CPAMD8: variants seen among roughly 807,000 people sequenced by gnomAD.
CPAMD8 encodes the protein C3 and PZP-like alpha-2-macroglobulin domain-containing protein 8.
CPAMD8 carries 146 observed loss-of-function variants against 224.7 expected under a neutral mutation model. The observed-to-expected ratio is 0.65, with a 90% CI of 0.57 to 0.75. CPAMD8 has a LOEUF of 0.75. CPAMD8 is among the 30% of genes least tolerant of loss of function. The pLI is 0.00. For missense variants in CPAMD8, 2,301 were observed against 2,537.5 expected (o/e 0.91, Z 2.00); for synonymous variants, 966 against 1,044.6 (o/e 0.92, Z 1.45).
At chr19:16,967,237 A>C (rs1472349960) in intron 18 of CPAMD8, among the ~76,000 whole-genome samples, 1 of 151,496 alleles carries the variant, frequency 6.6e-6, no homozygotes, top group African/African-American at 2.4e-5. Flanking sequence ...ACTATCACAA[A>C]GACAGAAAAC....
intron 30 of CPAMD8, among the ~76,000 whole-genome samples, chr19:16,905,968 G>A (rs541929435): frequency 2.0e-3 from 301 of 152,140 alleles, no homozygotes; most frequent in African/African-American, 6.9e-3. Flanking sequence ...GGGAAGGGTG[G>A]AAGCGAGACC....
chr19:16,948,384 G>C (rs2054175513), intron 20 of CPAMD8, among the ~76,000 whole-genome samples: 1 of 152,148 alleles, frequency 6.6e-6, no homozygotes, highest in African/African-American at 2.4e-5. Context: ...CTAGATCTGA[G>C]AGCCAATGGC....
rs755863295 is a variant in CPAMD8 at position 16,893,297 on chromosome 19, C to T, written c.5469G>A (p.Leu1823=). 17 of 1,553,184 alleles carry T rather than the reference C, an allele frequency of 1.1e-5. No homozygotes were observed. Among genetic ancestry groups the T allele is most frequent in the Non-Finnish European group, 1.5e-5 (17 of 1,148,054 alleles). ...GPRPPVSSGN[L]ESSTQSASPF... is the part of the protein sequence containing the mutation. Reference sequence around the variant, plus strand: ...GGCTGGCGCTCTGGGTGCTGCTTTCCAGGTTCCCGCTGCTCACAGGAGGCC... The same window carrying T: ...GGCTGGCGCTCTGGGTGCTGCTTTCTAGGTTCCCGCTGCTCACAGGAGGCC... The change falls in exon 42 of 42, where the codon CTG becomes CTA. Residue 1823 remains leucine (L), a synonymous_variant. Transcript: ENST00000443236.
chr19:16,968,089 C>G (rs2122603000), intron 18 of CPAMD8, among the ~76,000 whole-genome samples: 1 of 152,060 alleles, frequency 6.6e-6, no homozygotes, highest in South Asian at 2.1e-4. Flanking sequence ...GCTTCTATAC[C>G]AGCCCCAGGA....
At chr19:16,971,745 A>T (rs994035950) in intron 17 of CPAMD8, among the ~76,000 whole-genome samples, 1 of 152,086 alleles carries the variant, frequency 6.6e-6, no homozygotes, top group Non-Finnish European at 1.5e-5. Flanking sequence ...TATGAATTTC[A>T]TCTCGATTAG....
chr19:16,982,949 T>C (rs2055567701), intron 13 of CPAMD8, among the ~76,000 whole-genome samples: 1 of 152,222 alleles, frequency 6.6e-6, no homozygotes, highest in African/African-American at 2.4e-5. Context: ...ACAGTTCTCA[T>C]GGTAGAGAAT....
chr19:16,978,142 G>A (rs889867151), intron 14 of CPAMD8, among the ~76,000 whole-genome samples: 1 of 152,188 alleles, frequency 6.6e-6, no homozygotes, highest in African/African-American at 2.4e-5. Flanking sequence ...AGCTGGTTCT[G>A]TGCAGAGCTC....
chr19:16,918,140 G>A (rs755579433), intron 27 of CPAMD8, among the ~76,000 whole-genome samples: 5 of 151,852 alleles, frequency 3.3e-5, no homozygotes, highest in African/African-American at 4.8e-5. Flanking sequence ...GACTACAGAC[G>A]CCCACCACCA....
At chr19:17,003,312 C>T (rs185782149) in intron 8 of CPAMD8, among the ~76,000 whole-genome samples, 55 of 151,814 alleles carry the variant, frequency 3.6e-4, no homozygotes, top group Non-Finnish European at 5.9e-4. Flanking sequence ...GCAATCCTCC[C>T]GCCTCAGCTT....
intron 7 of CPAMD8, among the ~76,000 whole-genome samples, chr19:17,005,351 T>C (rs949644774): frequency 3.3e-5 from 5 of 152,104 alleles, no homozygotes; most frequent in African/African-American, 1.2e-4. Flanking sequence ...GACATTGCCA[T>C]GTCCCCTGGG....
At chr19:16,999,411 T>C (rs559604151) in intron 10 of CPAMD8, among the ~76,000 whole-genome samples, 17 of 151,684 alleles carry the variant, frequency 1.1e-4, no homozygotes, top group Non-Finnish European at 2.1e-4. Context: ...AAACCCCGTC[T>C]CTACTAAAAA....
chr19:16,960,194 T>A (rs1366910737), intron 18 of CPAMD8, among the ~76,000 whole-genome samples: 1 of 150,604 alleles, frequency 6.6e-6, no homozygotes, highest in Non-Finnish European at 1.5e-5. Flanking sequence ...CCTCAAAGGC[T>A]GCTCCTTCTC....
chr19:17,019,309 G>T (rs1297938071), intron 3 of CPAMD8, among the ~76,000 whole-genome samples: 1 of 151,938 alleles, frequency 6.6e-6, no homozygotes, highest in African/African-American at 2.4e-5. Flanking sequence ...TTTTAGTAGA[G>T]ATGGGGTTTT....
At chr19:16,900,267 A>G (rs2052199753) in intron 36 of CPAMD8, among the ~76,000 whole-genome samples, 2 of 152,082 alleles carry the variant, frequency 1.3e-5, no homozygotes, top group African/African-American at 4.8e-5. Flanking sequence ...GCCAAAGCAC[A>G]TGGAACTTTG....
chr19:17,026,242 A>G (rs1379215003), intron 1 of CPAMD8, among the ~76,000 whole-genome samples: 7 of 152,110 alleles, frequency 4.6e-5, no homozygotes, highest in Non-Finnish European at 1.0e-4. Context: ...CGCTCCTCTT[A>G]CCTTCATACC....
At chr19:16,906,404 T>TTCTC (rs1166944544) in intron 30 of CPAMD8, among the ~76,000 whole-genome samples, 21 of 83,966 alleles carry the variant, frequency 2.5e-4, no homozygotes, top group African/African-American at 9.5e-4. Flanking sequence ...CTTTCTTTCT[T>TTCTC]TCTTTCCTTC....
chr19:16,897,902 G>C lies in CPAMD8; in HGVS notation c.4941C>G (p.Asp1647Glu), dbSNP rs1329408124. Reference protein sequence around the residue: ...RTSALPVSVYDYYEPAFEATR... With the variant: ...RTSALPVSVYEYYEPAFEATR... ...GCGCGGGCCTACCGGGTTCGTAGTA[G>C]TCGTACACGGAGACTGGCAGCGCCG... Residue 1647 changes from aspartate to glutamate, a missense_variant, in exon 38 of 42, where the codon GAC becomes GAG. Coordinates refer to ENST00000443236, the MANE Select transcript of CPAMD8 (RefSeq NM_015692.5). 11 of 1,610,296 alleles carry C rather than the reference G, an allele frequency of 6.8e-6. No homozygotes were observed. The highest frequency in any genetic ancestry group is 8.5e-6 in the Non-Finnish European group (10 of 1,178,978).
At position 16,899,399 on chromosome 19, in the gene CPAMD8, A is replaced by G; in HGVS notation, c.4848+76T>C. On this transcript the variant is annotated intron_variant, in intron 37 of 41. Coordinates refer to ENST00000443236, the MANE Select transcript of CPAMD8 (RefSeq NM_015692.5). This position sits in a 1 kb window ranked among gnomAD's most constrained non-coding sequence, Gnocchi z 5.4. ...GTACAAGATACTTGCAGGGAGCCACACCAGGCAGTGACCGGTGCACCCTCA... is the reference window on the plus strand; with the variant it reads ...GTACAAGATACTTGCAGGGAGCCACGCCAGGCAGTGACCGGTGCACCCTCA... The G allele has an allele frequency of 1.3e-6, 1 of 775,796 alleles. No homozygotes were observed. Among genetic ancestry groups the G allele is most frequent in the East Asian group, 2.5e-5 (1 of 40,734 alleles). The allele number at this position is 775,796 out of a possible 1,614,324, so 48.1% of individuals were successfully genotyped here. A position where few individuals can be genotyped will look rare whatever the true frequency, so the allele number is the denominator to read the frequency against.
chr19:17,020,964 C>T (rs1318977308), intron 2 of CPAMD8, among the ~76,000 whole-genome samples: 1 of 152,254 alleles, frequency 6.6e-6, no homozygotes, highest in Non-Finnish European at 1.5e-5. Context: ...TCCTGGGACT[C>T]TGAGCCAATC....
Sources: gnomAD v4.1 joint callset for allele counts (sites outside exome capture counted in the v4.1 genomes callset) on GRCh38, gnomAD v4.1.1 for gene constraint, Gnocchi (gnomAD v3.1) non-coding constraint, MANE v1.5 for transcripts, NCBI Gene and HGNC (gene_info 2026-07-23, HGNC 2026-07-21) for gene names.